Variants in MUC5AC observed in about 807,000 individuals in gnomAD.
MUC5AC encodes the protein mucin-5AC.
In MUC5AC, 158 loss-of-function variants were observed where a neutral mutation model predicts 169.7. The observed-to-expected ratio is 0.93, with a 90% CI of 0.82 to 1.06. MUC5AC has a LOEUF of 1.06. MUC5AC is among the 50% of genes least tolerant of loss of function. The pLI is 0.00. For synonymous variants in MUC5AC, 1,975 were observed against 1,237.0 expected (o/e 1.60, Z -12.52); for missense variants, 4,359 against 3,089.9 (o/e 1.41, Z -9.74).
At chr11:1,173,256 A>G (rs1860592158) in intron 16 of MUC5AC, among the ~76,000 whole-genome samples, 1 of 143,452 alleles carries the variant, frequency 7.0e-6, no homozygotes, top group South Asian at 2.3e-4. Context: ...TTACTCACTC[A>G]CTAATTCCTT....
rs929395459 is a variant in MUC5AC at position 1,175,126 on chromosome 11, C to A, written c.2337C>A (p.Ser779Arg). Residue 779 changes from serine to arginine, a missense_variant, in exon 18 of 49, where the codon AGC becomes AGA. Coordinates refer to ENST00000621226, the MANE Select transcript of MUC5AC (RefSeq NM_001304359.2). ...CCAATGGGGAGTCGGTGCACGACAG[C>A]GGGGCTATCTGGTAAGAGCTCCCGC... ...MIPNGESVHD[S>R]GAICTCTHGK... 1 of 397,792 alleles carries A rather than the reference C, an allele frequency of 2.5e-6. No homozygotes were observed. Among genetic ancestry groups the A allele is most frequent in the Non-Finnish European group, 4.4e-6 (1 of 226,082 alleles). The allele number at this position is 397,792 out of a possible 1,614,324, so 24.6% of individuals were successfully genotyped here.
rs1412748620 is a variant in MUC5AC, at chr11:1,190,038, G to T, written c.11893G>T (p.Val3965Leu). The T allele has an allele frequency of 1.3e-6, 1 of 764,976 alleles. No homozygotes were observed. Among genetic ancestry groups the T allele is most frequent in the Non-Finnish European group, 2.4e-6 (1 of 417,852 alleles). The allele number at this position is 764,976 out of a possible 1,614,324, so 47.4% of individuals were successfully genotyped here. ...PRCTWTKWFDVDFPSPGPHGG... is the reference protein window; with the variant it reads ...PRCTWTKWFDLDFPSPGPHGG... Reference sequence around the variant, plus strand: ...GTGCACCTGGACCAAGTGGTTTGACGTGGACTTTCCATCCCCTGGACCCCA... The same window carrying T: ...GTGCACCTGGACCAAGTGGTTTGACTTGGACTTTCCATCCCCTGGACCCCA... Residue 3965 changes from valine (V) to leucine (L), a missense_variant, in exon 31 of 49, where the codon GTG becomes TTG. Coordinates refer to ENST00000621226, the MANE Select transcript of MUC5AC (RefSeq NM_001304359.2).
chr11:1,181,216 G>A (rs1188142429), intron 29 of MUC5AC, 34 bp downstream of exon 29: 28 of 398,668 alleles, frequency 7.0e-5, no homozygotes, highest in Middle Eastern at 6.3e-4. Context: ...GCTGGGGTCC[G>A]GGGGTCTCTG....
intron 11 of MUC5AC, among the ~76,000 whole-genome samples, chr11:1,166,110 G>A (rs1244027485): frequency 6.6e-6 from 1 of 152,018 alleles, no homozygotes; most frequent in East Asian, 1.9e-4. Flanking sequence ...GTGTCCCCAC[G>A]ATGAGACCCT....
chr11:1,163,251 C>G (rs1245007024), intron 6 of MUC5AC, among the ~76,000 whole-genome samples: 1 of 152,246 alleles, frequency 6.6e-6, no homozygotes, highest in Admixed American at 6.5e-5. Context: ...GAGCAAATCG[C>G]CCATTGGGCC....
intron 17 of MUC5AC, 87 bp downstream of exon 17, chr11:1,174,709 G>C (rs1860630836): frequency 1.7e-6 from 1 of 592,686 alleles, no homozygotes; most frequent in African/African-American, 1.9e-5. Context: ...TTGCTCTAAG[G>C]GCCCCCGTCC....
chr11:1,189,785 C>A lies in MUC5AC; in HGVS notation c.11640C>A (p.Thr3880=), dbSNP rs1861044883. ...STISAPTTST[T]SFHTTSTTSP... ...TCTCTGCCCCTACAACCAGCACAAC[C>A]TCTTTCCATACAACCAGCACAACCT... is the stretch of plus-strand genomic sequence containing the variant. Residue 3880 remains threonine (T), a synonymous_variant, in exon 31 of 49, where the codon ACC becomes ACA. Transcript: ENST00000621226. The A allele has an allele frequency of 1.4e-6, 1 of 704,516 alleles. No individual in the cohort carries two copies. Among genetic ancestry groups the A allele is most frequent in the South Asian group, 1.5e-5 (1 of 66,040 alleles). 43.6% of individuals were successfully genotyped at this position (704,516 alleles called of 1,614,324 possible). A position where few individuals can be genotyped will look rare whatever the true frequency, so the allele number is the denominator to read the frequency against.
rs1342226656 is a variant in MUC5AC, at chr11:1,180,433, G to A, written c.3693G>A (p.Pro1231=). ...KMQCVATCPT[P]PLPPRCHVHG... ...AGTGTGTGGCCACCTGCCCAACCCC[G>A]CCTCTGCCACCACGGTGCCACGTCC... is the stretch of plus-strand genomic sequence containing the variant. Residue 1231 remains proline (P), a synonymous_variant, in exon 28 of 49, where the codon CCG becomes CCA. Transcript: ENST00000621226. 1.3e-5 allele frequency: 5 copies of A among 398,736 alleles called. No homozygotes were observed. The highest frequency in any genetic ancestry group is 7.1e-5 in the East Asian group (2 of 28,102). 24.7% of individuals were successfully genotyped at this position (398,736 alleles called of 1,614,324 possible).
chr11:1,175,501 ACTCATGCACACGCTGACACGCCCACT>A (rs1860647869), intron 19 of MUC5AC, among the ~76,000 whole-genome samples: 1 of 149,578 alleles, frequency 6.7e-6, no homozygotes, highest in Non-Finnish European at 1.5e-5. Context: ...TCACACACCC[ACTCATGCACACGCTGACACGCCCACT>A]CATGCACACA....
chr11:1,194,991 A>T (rs992458542), intron 35 of MUC5AC, 21 bp from the exon 36 acceptor site: 2 of 708,088 alleles, frequency 2.8e-6, no homozygotes, highest in Non-Finnish European at 5.2e-6. Context: ...CAGCAGCCTG[A>T]CCCCCACCGC....
chr11:1,179,632 C>T (rs1319838271), intron 26 of MUC5AC, among the ~76,000 whole-genome samples: 1 of 127,100 alleles, frequency 7.9e-6, no homozygotes, highest in South Asian at 2.2e-4. Context: ...GGGAGGAGGG[C>T]GTGGCTGACG....
rs1343310100 is a variant in MUC5AC at position 1,172,522 on chromosome 11, C to T, written c.1964C>T (p.Ser655Leu). 2.3e-5 allele frequency: 9 copies of T among 398,682 alleles called. No homozygotes were observed. Among genetic ancestry groups the T allele is most frequent in the South Asian group, 1.3e-4 (1 of 7,860 alleles). 24.7% of individuals were successfully genotyped at this position (398,682 alleles called of 1,614,324 possible). A position where few individuals can be genotyped will look rare whatever the true frequency, so the allele number is the denominator to read the frequency against. ...HAAVKPGTYY[S>L]NCMFDTCNCE... ...GCCGTGAAGCCGGGAACCTACTACT[C>T]GGTAACATCTGCCGCCTCTTGGCCC... is the stretch of plus-strand genomic sequence containing the variant. The change falls in exon 16 of 49, where the codon TCG becomes TTG. Residue 655 changes from serine to leucine, a missense_variant and splice_region_variant. Coordinates refer to ENST00000621226, the MANE Select transcript of MUC5AC (RefSeq NM_001304359.2).
chr11:1,198,418 CG>C (rs1478526434), intron 43 of MUC5AC, 113 bp downstream of exon 43: 3 of 684,330 alleles, frequency 4.4e-6, no homozygotes, highest in Non-Finnish European at 8.1e-6. Flanking sequence ...GCCAGGGACT[CG>C]AGTCTCTGCA....
chr11:1,169,175 G>C (rs1860423761), intron 15 of MUC5AC, 149 bp downstream of exon 15: 1 of 1,404,284 alleles, frequency 7.1e-7, no homozygotes, highest in African/African-American at 1.4e-5. Flanking sequence ...CAGGCTCATG[G>C]TGGGCGCCCA....
In MUC5AC at chr11:1,179,261, G is replaced by C; in HGVS notation, c.3484+13G>C. The C allele has an allele frequency of 1.8e-6, 1 of 546,184 alleles. No individual in the cohort carries two copies. Among genetic ancestry groups the C allele is most frequent in the Non-Finnish European group, 3.3e-6 (1 of 300,688 alleles). 33.8% of individuals were successfully genotyped at this position (546,184 alleles called of 1,614,324 possible). A position where few individuals can be genotyped will look rare whatever the true frequency, so the allele number is the denominator to read the frequency against. ...CCGAGCATCTGCCGTGAGTGCGAGTGGGCACCTGGGGAAGAACAGGAAGCG... is the reference window on the plus strand; with the variant it reads ...CCGAGCATCTGCCGTGAGTGCGAGTCGGCACCTGGGGAAGAACAGGAAGCG... On this transcript the variant is annotated intron_variant, in intron 26 of 48. Coordinates refer to ENST00000621226, the MANE Select transcript of MUC5AC (RefSeq NM_001304359.2).
intron 15 of MUC5AC, 33 bp downstream of exon 15, chr11:1,169,059 C>T: frequency 6.6e-7 from 1 of 1,513,550 alleles, no homozygotes. Flanking sequence ...TCTGTGCTGG[C>T]CGCCTGGCGC....
rs1267533660 is a variant in MUC5AC at position 1,171,930 on chromosome 11, CTCAT to C, written c.1871-498_1871-495del. On this transcript the variant is annotated intron_variant, in intron 15 of 48. Transcript: ENST00000621226. ...ACCCACTCACCTACTCACTCACTCA[CTCAT>C]CCACTCATTCACTCACTCACTCACT... 2.6e-3 allele frequency among the ~76,000 whole-genome samples: 287 copies of C among 110,522 alleles called. 3 individuals carry two copies. The highest frequency in any genetic ancestry group is 0.016 in the Admixed American group (177 of 11,260). The allele number at this position is 110,522 out of a possible 152,430, so 72.5% of individuals were successfully genotyped here. A position where few individuals can be genotyped will look rare whatever the true frequency, so the allele number is the denominator to read the frequency against.
At chr11:1,199,332 AG>A in intron 45 of MUC5AC, 38 bp from the exon 46 acceptor site, 1 of 702,306 alleles carries the variant, frequency 1.4e-6, no homozygotes, top group Non-Finnish European at 2.6e-6. Context: ...GGACAGACGG[AG>A]GGAGGGTCAC....
At position 1,161,525 on chromosome 11, in the gene MUC5AC, A is replaced by C; in HGVS notation, c.152-2A>C. 1 of 1,597,654 alleles carries C rather than the reference A, an allele frequency of 6.3e-7. No individual in the cohort carries two copies. The highest frequency in any genetic ancestry group is 8.5e-7 in the Non-Finnish European group (1 of 1,170,198). On this transcript the variant is annotated splice_acceptor_variant, in intron 2 of 48. Transcript: ENST00000621226. LOFTEE classifies it high-confidence loss of function. ...GAATCCTACCAGCCCCTGTCTCCGC[A>C]GGGGTCCCGCTCCGTGGGGCGACTG...
Sources: allele counts gnomAD v4.1 joint callset (sites outside exome capture counted in the v4.1 genomes callset), GRCh38; gene constraint gnomAD v4.1.1; transcripts MANE v1.5; gene names NCBI Gene and HGNC (gene_info 2026-07-23, HGNC 2026-07-21).